CFAP95: variants seen among roughly 807,000 people sequenced by gnomAD.
CFAP95 encodes the protein cilia- and flagella-associated protein 95.
chr9:69,897,772 G>C, the CFAP95 span, among the ~76,000 whole-genome samples: 1 of 152,270 alleles, frequency 6.6e-6, no homozygotes, highest in East Asian at 1.9e-4. Flanking sequence ...AGACCCCATT[G>C]TTTAAAGATA....
chr9:69,901,036 C>T, the CFAP95 span, among the ~76,000 whole-genome samples: 34 of 152,178 alleles, frequency 2.2e-4, no homozygotes, highest in Admixed American at 2.1e-3. Context: ...CCACAACAGG[C>T]CCCTGGTGTG....
At chr9:69,901,677 G>T in the CFAP95 span, among the ~76,000 whole-genome samples, 1 of 152,156 alleles carries the variant, frequency 6.6e-6, no homozygotes, top group African/African-American at 2.4e-5. Flanking sequence ...ATAGCAGCAT[G>T]ATTTATAATC....
the CFAP95 span, among the ~76,000 whole-genome samples, chr9:69,901,874 C>T: frequency 4.6e-5 from 7 of 152,100 alleles, no homozygotes; most frequent in Admixed American, 6.5e-5. Flanking sequence ...TTTTAATGAT[C>T]GCCATTCTAA....
At chr9:69,860,413 C>T in the CFAP95 span, among the ~76,000 whole-genome samples, 7 of 152,164 alleles carry the variant, frequency 4.6e-5, no homozygotes, top group South Asian at 1.5e-3. Flanking sequence ...AAGGAGGGCA[C>T]CAAGCCACTC....
chr9:69,869,935 G>A, the CFAP95 span, among the ~76,000 whole-genome samples: 2 of 152,100 alleles, frequency 1.3e-5, no homozygotes, highest in Non-Finnish European at 2.9e-5. Flanking sequence ...TTAAAATGAA[G>A]TCTTCAGTTG....
the CFAP95 span, among the ~76,000 whole-genome samples, chr9:69,836,142 T>C: frequency 6.6e-6 from 1 of 152,222 alleles, no homozygotes; most frequent in African/African-American, 2.4e-5. Context: ...AGGTGGTAGA[T>C]GATTATTTTA....
the CFAP95 span, among the ~76,000 whole-genome samples, chr9:69,841,427 C>G: frequency 6.6e-6 from 1 of 151,802 alleles, no homozygotes; most frequent in African/African-American, 2.4e-5. Flanking sequence ...ATTTCAAAAA[C>G]TTGGGTCTTA....
the CFAP95 span, among the ~76,000 whole-genome samples, chr9:69,875,187 A>G: frequency 0.88 from 133,297 of 152,110 alleles, 58,491 homozygotes; most frequent in Middle Eastern, 0.93. Context: ...ATCACTTAAA[A>G]ATTGATTGTT....
the CFAP95 span, among the ~76,000 whole-genome samples, chr9:69,859,751 T>G: frequency 6.6e-6 from 1 of 152,070 alleles, no homozygotes; most frequent in East Asian, 1.9e-4. Context: ...CATCATAGAG[T>G]GTACTTACAC....
At chr9:69,857,750 A>T in the CFAP95 span, among the ~76,000 whole-genome samples, 1 of 151,388 alleles carries the variant, frequency 6.6e-6, no homozygotes, top group African/African-American at 2.4e-5. Context: ...CTGGTCTTGA[A>T]CTCCTGAGCG....
the CFAP95 span, among the ~76,000 whole-genome samples, chr9:69,880,732 C>T: frequency 6.6e-6 from 1 of 152,190 alleles, no homozygotes; most frequent in African/African-American, 2.4e-5. Flanking sequence ...TGAGGAACCT[C>T]CAAACTGTTC....
the CFAP95 span, among the ~76,000 whole-genome samples, chr9:69,846,632 T>C: frequency 6.6e-6 from 1 of 152,224 alleles, no homozygotes; most frequent in African/African-American, 2.4e-5. Flanking sequence ...AGATCTTAAA[T>C]GACTCACCCA....
At chr9:69,896,672 AT>A in the CFAP95 span, among the ~76,000 whole-genome samples, 1 of 152,200 alleles carries the variant, frequency 6.6e-6, no homozygotes, top group East Asian at 1.9e-4. Context: ...GTTTAGCTAC[AT>A]TTGCCAATTA....
the CFAP95 span, among the ~76,000 whole-genome samples, chr9:69,836,862 C>T: frequency 1.3e-4 from 20 of 149,868 alleles, no homozygotes; most frequent in Admixed American, 1.3e-3. Flanking sequence ...GTATATCTCC[C>T]AATGCTATCC....
chr9:69,832,943 G>A, the CFAP95 span, among the ~76,000 whole-genome samples: 1 of 151,912 alleles, frequency 6.6e-6, no homozygotes, highest in African/African-American at 2.4e-5. Flanking sequence ...ATAGAGTTAT[G>A]GAAAGTAATC....
At chr9:69,865,569 T>C in the CFAP95 span, among the ~76,000 whole-genome samples, 2 of 152,122 alleles carry the variant, frequency 1.3e-5, no homozygotes, top group Non-Finnish European at 2.9e-5. Context: ...CAAGCCTAAG[T>C]GTTGGGCACA....
chr9:69,874,692 C>G, the CFAP95 span, among the ~76,000 whole-genome samples: 23 of 152,160 alleles, frequency 1.5e-4, no homozygotes, highest in Non-Finnish European at 2.6e-4. Context: ...CTCTCAGTTA[C>G]TGTCACGGGA....
At chr9:69,864,683 G>A in the CFAP95 span, among the ~76,000 whole-genome samples, 1 of 152,182 alleles carries the variant, frequency 6.6e-6, no homozygotes, top group Non-Finnish European at 1.5e-5. Flanking sequence ...CATAGTAGCA[G>A]TAGCAAGCCT....
At chr9:69,852,727 C>A in the CFAP95 span, among the ~76,000 whole-genome samples, 1 of 152,142 alleles carries the variant, frequency 6.6e-6, no homozygotes, top group Non-Finnish European at 1.5e-5. Flanking sequence ...GTGTCCCCAC[C>A]CAAATCTCAT....
Sources: gnomAD v4.1 joint callset for allele counts (sites outside exome capture counted in the v4.1 genomes callset) on GRCh38, gnomAD v4.1.1 for gene constraint, MANE v1.5 for transcripts, NCBI Gene and HGNC (gene_info 2026-07-23, HGNC 2026-07-21) for gene names.